Variants in PKD1L1 observed in about 807,000 individuals in gnomAD.
PKD1L1 encodes the protein polycystin 1 like 1, transient receptor potential channel interacting, also known as polycystin-1-like protein 1.
A neutral mutation model predicts 323.4 loss-of-function variants in PKD1L1; 236 were observed. That is an observed-to-expected ratio of 0.73 (90% CI 0.66 to 0.81). The LOEUF (loss-of-function observed/expected upper bound fraction) is 0.81, where lower values mean the gene tolerates loss of function less well. Among genes scored for constraint, PKD1L1 ranks in the 40% least tolerant of loss-of-function variants. The pLI is 0.00. For missense variants in PKD1L1, 3,320 were observed against 3,508.0 expected, an observed-to-expected ratio of 0.95 and a Z score of 1.35; for synonymous variants, 1,344 against 1,335.0, an observed-to-expected ratio of 1.01 and a Z score of -0.15.
intron 56 of PKD1L1, among the ~76,000 whole-genome samples, chr7:47,782,678 T>G (rs1365786096): frequency 1.3e-5 from 2 of 152,212 alleles, no homozygotes; most frequent in Admixed American, 6.5e-5. Flanking sequence ...AGCTGTAACT[T>G]GGACCCTCTG....
chr7:47,827,805 T>A (rs1785267566), intron 44 of PKD1L1, among the ~76,000 whole-genome samples: 2 of 152,338 alleles, frequency 1.3e-5, no homozygotes, highest in Middle Eastern at 3.4e-3. Context: ...TGGCACAGTA[T>A]TTTCTCTTAG....
chr7:47,911,232 C>G (rs1440187099), intron 8 of PKD1L1, among the ~76,000 whole-genome samples: 1 of 152,102 alleles, frequency 6.6e-6, no homozygotes, highest in Non-Finnish European at 1.5e-5. Flanking sequence ...GCATCTCACT[C>G]TCTCTCATTT....
At chr7:47,831,410 C>A in intron 41 of PKD1L1, 58 bp from the exon 42 acceptor site, 1 of 1,559,514 alleles carries the variant, frequency 6.4e-7, no homozygotes, top group South Asian at 1.2e-5. Flanking sequence ...TCTCCATCCA[C>A]GCGGAGTGTG....
chr7:47,927,955 T>C (rs2128754918), intron 7 of PKD1L1, among the ~76,000 whole-genome samples: 1 of 152,320 alleles, frequency 6.6e-6, no homozygotes, highest in Non-Finnish European at 1.5e-5. Flanking sequence ...GCTGAATAGA[T>C]TTGGTCCATT....
chr7:47,779,620 G>A (rs1195939192), intron 56 of PKD1L1, among the ~76,000 whole-genome samples: 1 of 152,144 alleles, frequency 6.6e-6, no homozygotes, highest in Non-Finnish European at 1.5e-5. Context: ...TAGCGTCTGA[G>A]AATGGCTCCA....
rs770687372 is a variant in PKD1L1, at chr7:47,904,483, G to C, written c.1826C>G (p.Ala609Gly). 2 of 1,614,134 alleles carry C rather than the reference G, an allele frequency of 1.2e-6. No individual in the cohort carries two copies. Among genetic ancestry groups the C allele is most frequent in the South Asian group, 1.1e-5 (1 of 91,078 alleles). Residue 609 changes from alanine (A) to glycine (G), a missense_variant, in exon 12 of 57, where the codon GCC becomes GGC. Physicochemically the swap from Ala to Gly is moderately conservative, Grantham distance 60. Coordinates refer to ENST00000289672, the MANE Select transcript of PKD1L1 (RefSeq NM_138295.5). ...GCCGAAGTTGATCCAGCACTCAAAG[G>C]CCACACTGGCATTTACCAGAGCTGA... ...PSSALVNASV[A>G]FECWINFGTD...
At chr7:47,873,596 C>T (rs1429651178) in intron 24 of PKD1L1, among the ~76,000 whole-genome samples, 6 of 143,386 alleles carry the variant, frequency 4.2e-5, no homozygotes, top group Middle Eastern at 3.6e-3. Flanking sequence ...GCAAGTGAGC[C>T]GAGATTGTGC....
chr7:47,909,622 A>T (rs1787276916), intron 8 of PKD1L1, among the ~76,000 whole-genome samples: 1 of 152,204 alleles, frequency 6.6e-6, no homozygotes, highest in African/African-American at 2.4e-5. Flanking sequence ...CTTAGTACAT[A>T]CATAATAAAT....
chr7:47,836,316 C>T (rs1448635938), intron 37 of PKD1L1, among the ~76,000 whole-genome samples: 6 of 152,166 alleles, frequency 3.9e-5, no homozygotes, highest in African/African-American at 1.4e-4. Flanking sequence ...TACGACCCAG[C>T]GGTGAACCCG....
upstream of PKD1L1, among the ~76,000 whole-genome samples, chr7:47,949,560 C>A (rs541470715): frequency 2.6e-5 from 4 of 151,934 alleles, no homozygotes; most frequent in African/African-American, 9.7e-5. Flanking sequence ...TTGCAACTGG[C>A]GGGTCAGACT....
At chr7:47,899,427 A>G (rs1248985366) in intron 13 of PKD1L1, among the ~76,000 whole-genome samples, 2 of 152,052 alleles carry the variant, frequency 1.3e-5, no homozygotes, top group African/African-American at 4.8e-5. Flanking sequence ...GGGGGGGAAT[A>G]TTAGTGTCTA....
chr7:47,834,219 G>A lies in PKD1L1; in HGVS notation c.6174+120C>T, dbSNP rs562639060. The A allele has an allele frequency of 4.3e-4, 424 of 995,550 alleles. No individual in the cohort carries two copies. In the African/African-American group the frequency reaches 5.5e-3, roughly 13 times the overall value. The allele number at this position is 995,550 out of a possible 1,614,324, so 61.7% of individuals were successfully genotyped here. A position where few individuals can be genotyped will look rare whatever the true frequency, so the allele number is the denominator to read the frequency against. ...CTTGCATTGATCTTTTCCTGTGTCC[G>A]TCTCACCTTGAGCCTGACCCATCCA... On this transcript the variant is annotated intron_variant, in intron 40 of 56. Coordinates refer to ENST00000289672, the MANE Select transcript of PKD1L1 (RefSeq NM_138295.5).
intron 7 of PKD1L1, among the ~76,000 whole-genome samples, chr7:47,922,672 C>T (rs1394787756): frequency 3.3e-5 from 5 of 151,782 alleles, no homozygotes; most frequent in East Asian, 1.9e-4. Flanking sequence ...CCCCTCCGCC[C>T]GGCAGCTGCC....
At chr7:47,788,924 T>C (rs1786877031) in intron 56 of PKD1L1, among the ~76,000 whole-genome samples, 1 of 152,158 alleles carries the variant, frequency 6.6e-6, no homozygotes. Context: ...TATTAAAACA[T>C]TTGTATCCTG....
intron 9 of PKD1L1, among the ~76,000 whole-genome samples, chr7:47,907,667 T>C (rs1461613009): frequency 6.6e-6 from 1 of 152,212 alleles, no homozygotes; most frequent in African/African-American, 2.4e-5. Context: ...CTGACCAAAA[T>C]GTGCCTCCAG....
chr7:47,850,252 A>G (rs1436010780), intron 31 of PKD1L1, among the ~76,000 whole-genome samples: 2 of 152,252 alleles, frequency 1.3e-5, no homozygotes, highest in Admixed American at 6.5e-5. Flanking sequence ...CTGTTGAAAG[A>G]TTTAGCTCTG....
chr7:47,800,708 C>G lies in PKD1L1; in HGVS notation c.8134G>C (p.Ala2712Pro). The change falls in exon 54 of 57, where the codon GCC becomes CCC. Residue 2712 changes from alanine (A) to proline (P), a missense_variant. Physicochemically the swap from Ala to Pro is conservative, Grantham distance 27. Transcript: ENST00000289672. ...LLGLSKSDQR[A>P]MACYFGILLI... ...AGGATCCCAAAGTAACAAGCCATGG[C>G]CCGCTGGTCAGACTTGGAAAGGCCA... 1 of 1,614,192 alleles carries G rather than the reference C, an allele frequency of 6.2e-7. No individual in the cohort carries two copies.
chr7:47,912,963 TCAGA>T (rs1418306111), intron 8 of PKD1L1, among the ~76,000 whole-genome samples: 1 of 151,986 alleles, frequency 6.6e-6, no homozygotes, highest in African/African-American at 2.4e-5. Context: ...GGAGGCTTCT[TCAGA>T]CAGAGTGTCA....
chr7:47,817,959 G>T (rs1356718785), intron 46 of PKD1L1: 1 of 1,043,706 alleles, frequency 9.6e-7, no homozygotes, highest in Non-Finnish European at 1.3e-6. Flanking sequence ...ACGAAGAAAT[G>T]ATCTCTTATC....
Sources: gnomAD v4.1 joint callset for allele counts (sites outside exome capture counted in the v4.1 genomes callset) on GRCh38, gnomAD v4.1.1 for gene constraint, MANE v1.5 for transcripts, NCBI Gene and HGNC (gene_info 2026-07-23, HGNC 2026-07-21) for gene names.